TSGA13: variants seen among roughly 807,000 people sequenced by gnomAD.
TSGA13 encodes the protein testis specific 13, also known as testis-specific gene 13 protein.
TSGA13 carries 37 observed loss-of-function variants against 35.1 expected under a neutral mutation model. The observed-to-expected ratio is 1.05, with a 90% CI of 0.81 to 1.39. TSGA13 has a LOEUF of 1.39. TSGA13 is among the 40% of genes most tolerant of loss of function. The pLI is 0.00. For missense variants in TSGA13, 338 were observed against 328.5 expected (o/e 1.03, Z -0.22); for synonymous variants, 124 against 121.2 (o/e 1.02, Z -0.15).
chr7:130,672,582 G>T, intron 6 of TSGA13, 152 bp downstream of exon 6: 3 of 905,094 alleles, frequency 3.3e-6, no homozygotes, highest in Non-Finnish European at 4.6e-6. Context: ...TGATTCATGT[G>T]TCAATGAGGT....
chr7:130,670,125 G>A (rs1168200066), intron 7 of TSGA13, among the ~76,000 whole-genome samples: 2 of 152,198 alleles, frequency 1.3e-5, no homozygotes, highest in Non-Finnish European at 2.9e-5. Flanking sequence ...CAGCTTTTCT[G>A]TATATCTATG....
rs934579372 is a variant in TSGA13, at chr7:130,682,525, G to A, written c.102+1069C>T. Reference sequence around the variant, plus strand: ...CCCAAAGTGCTGGGATTACAGGTATGAGCCACCACGCCCAGCCTGGCTCAG... The same window carrying A: ...CCCAAAGTGCTGGGATTACAGGTATAAGCCACCACGCCCAGCCTGGCTCAG... On this transcript the variant is annotated intron_variant, in intron 3 of 7. Transcript: ENST00000356588. 7.9e-4 allele frequency among the ~76,000 whole-genome samples: 121 copies of A among 152,276 alleles called. 1 individual carries two copies. Among genetic ancestry groups the A allele is most frequent in the African/African-American group, 2.8e-3 (118 of 41,564 alleles).
At chr7:130,678,160 C>T (rs1415657041) in intron 5 of TSGA13, among the ~76,000 whole-genome samples, 17 of 152,248 alleles carry the variant, frequency 1.1e-4, no homozygotes, top group African/African-American at 3.1e-4. Context: ...GGGTGGATCA[C>T]AAGGTCAGAA....
chr7:130,677,611 G>T (rs1796444440), intron 5 of TSGA13, among the ~76,000 whole-genome samples: 1 of 152,048 alleles, frequency 6.6e-6, no homozygotes. Context: ...TTTTAGGAGA[G>T]ATGGGGTTTC....
Position 130,669,149 on chromosome 7 carries a change from G to A in TSGA13, c.693C>T (p.Ser231=). The A allele has an allele frequency of 6.2e-7, 1 of 1,614,140 alleles. No homozygotes were observed. The highest frequency in any genetic ancestry group is 8.5e-7 in the Non-Finnish European group (1 of 1,180,028). The change falls in exon 8 of 8, where the codon TCC becomes TCT. Residue 231 remains serine, a synonymous_variant. Transcript: ENST00000356588. ...GTGTCAGTGGTTCCCGAATCACTTT[G>A]GAAATTGGCCTTTCACTCGCTGACT... ...SKKSASERPI[S]KVIREPLTLA...
chr7:130,686,260 A>G lies in TSGA13; in HGVS notation c.-151+2T>C, dbSNP rs1213952297. The stretch of plus-strand genomic sequence containing the variant: ...GTAATAAGCGTTTCACCCTTTTCTC[A>G]CCTTTAATTTTTCTGGAATTGTAAG... On this transcript the variant is annotated splice_donor_variant, in intron 1 of 7. Transcript: ENST00000356588. LOFTEE classifies it low-confidence loss of function (5UTR_SPLICE). 2 of 152,198 alleles carry G rather than the reference A, an allele frequency of 1.3e-5. No individual in the cohort carries two copies. The highest frequency in any genetic ancestry group is 2.9e-5 in the Non-Finnish European group (2 of 68,036). The allele number at this position is 152,198 out of a possible 1,614,324, so 9.4% of individuals were successfully genotyped here.
At chr7:130,673,987 T>C (rs1796347173) in intron 5 of TSGA13, among the ~76,000 whole-genome samples, 1 of 151,280 alleles carries the variant, frequency 6.6e-6, no homozygotes, top group African/African-American at 2.4e-5. Context: ...CCCAGCTACT[T>C]GGGAGGCTGA....
At position 130,668,867 on chromosome 7, in the gene TSGA13, C is replaced by T; in HGVS notation, c.*147G>A. 1 of 1,374,200 alleles carries T rather than the reference C, an allele frequency of 7.3e-7. No individual in the cohort carries two copies. Among genetic ancestry groups the T allele is most frequent in the Non-Finnish European group, 9.8e-7 (1 of 1,019,656 alleles). The allele number at this position is 1,374,200 out of a possible 1,614,324, so 85.1% of individuals were successfully genotyped here. A position where few individuals can be genotyped will look rare whatever the true frequency, so the allele number is the denominator to read the frequency against. ...GCCACGCCCCCTTCTCCTCTTGCGG[C>T]CCGCCGGAGACTTCGGCTCGACCCT... is the stretch of plus-strand genomic sequence containing the variant. On this transcript the variant is annotated 3_prime_UTR_variant, in exon 8 of 8. Coordinates refer to ENST00000356588, the MANE Select transcript of TSGA13 (RefSeq NM_052933.4).
At chr7:130,669,959 C>T (rs1294135446) in intron 7 of TSGA13, among the ~76,000 whole-genome samples, 1 of 152,122 alleles carries the variant, frequency 6.6e-6, no homozygotes, top group Non-Finnish European at 1.5e-5. Context: ...TATTGGGAAC[C>T]TAGGCAGAGA....
At chr7:130,680,144 G>A (rs2116321400) in intron 4 of TSGA13, among the ~76,000 whole-genome samples, 1 of 152,316 alleles carries the variant, frequency 6.6e-6, no homozygotes, top group African/African-American at 2.4e-5. Context: ...TCCACGTAAT[G>A]TTCCATATTT....
intron 4 of TSGA13, among the ~76,000 whole-genome samples, chr7:130,680,741 T>A (rs1029210745): frequency 6.6e-6 from 1 of 152,164 alleles, no homozygotes; most frequent in Non-Finnish European, 1.5e-5. Context: ...TTCTTCCCAG[T>A]TCTCATCTCC....
intron 5 of TSGA13, among the ~76,000 whole-genome samples, chr7:130,678,614 T>A (rs1796467617): frequency 6.6e-6 from 1 of 152,208 alleles, no homozygotes; most frequent in South Asian, 2.1e-4. Context: ...AAGAACACTT[T>A]CCAGTGAAGA....
intron 5 of TSGA13, among the ~76,000 whole-genome samples, chr7:130,673,158 T>A (rs1232746536): frequency 6.6e-6 from 1 of 152,204 alleles, no homozygotes; most frequent in Non-Finnish European, 1.5e-5. Context: ...GCAGAGAAAG[T>A]TACCCAGTTT....
In TSGA13 at chr7:130,672,850, A is replaced by G. The variant is rs981034433; in HGVS notation, c.414T>C (p.Thr138=). The G allele has an allele frequency of 6.8e-6, 11 of 1,614,012 alleles. No homozygotes were observed. Among genetic ancestry groups the G allele is most frequent in the East Asian group, 2.2e-5 (1 of 44,868 alleles). ...VMESHHQHKP[T]ENLWLPRMPQ... ...GCATGCGGGGCAGCCAGAGGTTCTC[A>G]GTGGGTTTGTGCTGATGATGACTTT... Residue 138 remains threonine, a synonymous_variant, in exon 6 of 8, where the codon ACT becomes ACC. Transcript: ENST00000356588.
chr7:130,669,103 T>A lies in TSGA13; in HGVS notation c.739A>T (p.Met247Leu). The A allele has an allele frequency of 1.9e-6, 3 of 1,614,248 alleles. No homozygotes were observed. The highest frequency in any genetic ancestry group is 2.5e-6 in the Non-Finnish European group (3 of 1,180,036). ...TCCCCGGGCGCGGTTCTGGTGGGCA[T>A]GTCTTCCAAGAGCGATGCGAGTGTC... ...PLTLASLLED[M>L]PTRTAPGESA... Residue 247 changes from methionine (M) to leucine (L), a missense_variant, in exon 8 of 8, where the codon ATG becomes TTG. Coordinates refer to ENST00000356588, the MANE Select transcript of TSGA13 (RefSeq NM_052933.4).
At chr7:130,674,266 G>A (rs1283159316) in intron 5 of TSGA13, among the ~76,000 whole-genome samples, 8 of 128,834 alleles carry the variant, frequency 6.2e-5, no homozygotes, top group African/African-American at 2.3e-4. Context: ...TCTGCCTCCT[G>A]GGCTCTAGTG....
chr7:130,671,281 A>G (rs1023057545), intron 7 of TSGA13, among the ~76,000 whole-genome samples: 1 of 152,198 alleles, frequency 6.6e-6, no homozygotes, highest in Non-Finnish European at 1.5e-5. Context: ...GTTTCAGAAA[A>G]GCATATAATT....
At chr7:130,679,758 A>C (rs1554464786) in intron 4 of TSGA13, among the ~76,000 whole-genome samples, 5 of 152,124 alleles carry the variant, frequency 3.3e-5, no homozygotes, top group African/African-American at 1.2e-4. Flanking sequence ...TCCTGGGCTC[A>C]AGCGATGCAC....
chr7:130,683,000 T>C (rs1476665829), intron 3 of TSGA13, among the ~76,000 whole-genome samples: 2 of 152,192 alleles, frequency 1.3e-5, no homozygotes, highest in Admixed American at 6.5e-5. Flanking sequence ...GAAAAACTTA[T>C]TTGGGAGAAA....
Sources: allele counts gnomAD v4.1 joint callset (sites outside exome capture counted in the v4.1 genomes callset), GRCh38; gene constraint gnomAD v4.1.1; transcripts MANE v1.5; gene names NCBI Gene and HGNC (gene_info 2026-07-23, HGNC 2026-07-21).